The following PALLD variants were observed in gnomAD, a reference collection of about 807,000 sequenced individuals.
PALLD encodes palladin.
A neutral mutation model predicts 123.5 loss-of-function variants in PALLD; 61 were observed. The ratio of observed to expected loss-of-function variants is 0.49; its 90% CI spans 0.40 to 0.61. The LOEUF (loss-of-function observed/expected upper bound fraction) is 0.61. Ranked by LOEUF, PALLD falls within the 20% of genes least tolerant of loss-of-function variation. The probability of loss-of-function intolerance (pLI) is 0.00; values close to 1 mark genes in which losing one functional copy is unlikely to be tolerated. For missense variants in PALLD, 1,273 were observed against 1,377.0 expected (o/e 0.92, Z 1.20); for synonymous variants, 465 against 496.4 (o/e 0.94, Z 0.84).
intron 8 of PALLD, among the ~76,000 whole-genome samples, chr4:168,702,998 G>A (rs985581646): frequency 7.0e-5 from 10 of 142,498 alleles, no homozygotes; most frequent in African/African-American, 1.6e-4. Flanking sequence ...ATGCTGGTGC[G>A]CTGCACCCAC....
rs1339982343 is a variant in PALLD, at chr4:168,512,021, G to A, written c.517G>A (p.Ala173Thr). 1 of 1,614,196 alleles carries A rather than the reference G, an allele frequency of 6.2e-7. No individual in the cohort carries two copies. Among genetic ancestry groups the A allele is most frequent in the Non-Finnish European group, 8.5e-7 (1 of 1,180,032 alleles). ...GPQSQLCDKA[A>T]NLIEELTSIF... ...CCAGAGCCAGCTGTGTGACAAGGCAGCTAATTTAATTGAGGAGCTAACATC... is the reference window on the plus strand; with the variant it reads ...CCAGAGCCAGCTGTGTGACAAGGCAACTAATTTAATTGAGGAGCTAACATC... The change falls in exon 2 of 22, where the codon GCT (alanine) becomes ACT (threonine). Residue 173 changes from alanine (A) to threonine (T), a missense_variant. Coordinates refer to ENST00000505667, the MANE Select transcript of PALLD (RefSeq NM_001166108.2).
intron 2 of PALLD, among the ~76,000 whole-genome samples, chr4:168,662,775 T>C (rs184583739): frequency 2.2e-4 from 33 of 152,372 alleles, no homozygotes; most frequent in Non-Finnish European, 4.3e-4. Context: ...GGTGGAATTA[T>C]GACCTTTGAG....
chr4:168,501,712 C>T (rs1034745486), intron 1 of PALLD, among the ~76,000 whole-genome samples: 1 of 152,124 alleles, frequency 6.6e-6, no homozygotes, highest in African/African-American at 2.4e-5. Flanking sequence ...TGGCAGCTGC[C>T]CCCATGGTAC....
rs1352900768 is a variant in PALLD at position 168,709,507 on chromosome 4, CAAGGAAGGAAGGAAGGAAGG to C, written c.1621+425_1621+444del. On this transcript the variant is annotated intron_variant, in intron 9 of 21. Transcript: ENST00000505667. Reference sequence around the variant, plus strand: ...CCTGGGTGACAGAGTCAGACTCCATCAAGGAAGGAAGGAAGGAAGGAAGGAAGGAAGGAAGGAAGGAAGGA... The same window carrying C: ...CCTGGGTGACAGAGTCAGACTCCATCAAGGAAGGAAGGAAGGAAGGAAGGA... Among the ~76,000 whole-genome samples the C allele has an allele frequency of 6.4e-4, 59 of 91,514 alleles. 4 individuals are homozygous for C. Among genetic ancestry groups the C allele is most frequent in the East Asian group, 1.2e-3 (4 of 3,232 alleles). The allele number at this position is 91,514 out of a possible 152,430, so 60.0% of individuals were successfully genotyped here.
chr4:168,830,299 A>T (rs998196955), intron 10 of PALLD, among the ~76,000 whole-genome samples: 1 of 149,704 alleles, frequency 6.7e-6, no homozygotes, highest in Admixed American at 6.7e-5. Context: ...CCGAGGTGGG[A>T]GGATCACTTG....
chr4:168,502,539 A>T (rs947871675), intron 1 of PALLD, among the ~76,000 whole-genome samples: 4 of 152,166 alleles, frequency 2.6e-5, no homozygotes, highest in Admixed American at 6.5e-5. Flanking sequence ...TCAAGTTTTT[A>T]CCAGAAAACA....
At chr4:168,746,380 C>CAAAAAA (rs747755592) in intron 10 of PALLD, among the ~76,000 whole-genome samples, 1,773 of 36,976 alleles carry the variant, frequency 0.048, 333 homozygotes, top group East Asian at 0.096. Context: ...GAACCCGTCT[C>CAAAAAA]AAAAAAAAAA....
intron 18 of PALLD, 67 bp downstream of exon 18, chr4:168,921,808 TC>T: frequency 8.3e-7 from 1 of 1,207,426 alleles, no homozygotes; most frequent in Non-Finnish European, 1.2e-6. Context: ...GTAAACTAAT[TC>T]TACATTACTA....
chr4:168,506,528 A>G (rs953999378), intron 1 of PALLD, among the ~76,000 whole-genome samples: 5 of 152,034 alleles, frequency 3.3e-5, no homozygotes, highest in Admixed American at 2.0e-4. Flanking sequence ...TTCTTCTTAC[A>G]TCTTTTGAGA....
Position 168,831,912 on chromosome 4 carries a change from G to A in PALLD, c.1965-59010G>A, listed in dbSNP as rs979381562. On this transcript the variant is annotated intron_variant, in intron 10 of 21. Transcript: ENST00000505667. ...GATGCAAAGGGCGGGACAAGGTTAC[G>A]AGTGGGTGCGGGGAAGCCTCCCTAA... 13 of 710,536 alleles carry A rather than the reference G, an allele frequency of 1.8e-5. No individual in the cohort carries two copies. In the African/African-American group the frequency reaches 2.5e-4, roughly 14 times the overall value. The allele number at this position is 710,536 out of a possible 1,614,324, so 44.0% of individuals were successfully genotyped here. A position where few individuals can be genotyped will look rare whatever the true frequency, so the allele number is the denominator to read the frequency against.
intron 2 of PALLD, among the ~76,000 whole-genome samples, chr4:168,551,569 T>C (rs1766727374): frequency 6.6e-6 from 1 of 152,112 alleles, no homozygotes; most frequent in African/African-American, 2.4e-5. Flanking sequence ...GAGATATCAA[T>C]GTGGATAAAA....
At chr4:168,627,736 A>G (rs2149816310) in intron 2 of PALLD, among the ~76,000 whole-genome samples, 1 of 152,368 alleles carries the variant, frequency 6.6e-6, no homozygotes, top group East Asian at 1.9e-4. Context: ...ACGCAAAGGG[A>G]TAATCTCCTT....
intron 10 of PALLD, among the ~76,000 whole-genome samples, chr4:168,840,848 T>G (rs545786295): frequency 5.5e-4 from 84 of 152,014 alleles, no homozygotes; most frequent in Non-Finnish European, 9.1e-4. Flanking sequence ...CTATACAGAT[T>G]TATTTATTTA....
At chr4:168,498,458 A>G (rs543383588) in intron 1 of PALLD, among the ~76,000 whole-genome samples, 1 of 152,298 alleles carries the variant, frequency 6.6e-6, no homozygotes, top group East Asian at 1.9e-4. Flanking sequence ...ATTTTTTAAA[A>G]ATGTAGAGGG....
intron 10 of PALLD, among the ~76,000 whole-genome samples, chr4:168,749,863 CCCCT>C (rs1050314354): frequency 3.3e-5 from 5 of 150,176 alleles, no homozygotes; most frequent in African/African-American, 1.2e-4. Context: ...AGTTTTTCAG[CCCCT>C]CCCTCCCTCC....
chr4:168,761,720 G>A (rs1431510141), intron 10 of PALLD, among the ~76,000 whole-genome samples: 16 of 131,884 alleles, frequency 1.2e-4, no homozygotes, highest in South Asian at 7.6e-4. Flanking sequence ...CCATGTTTCC[G>A]CGGCTGATCT....
rs868391922 is a variant in PALLD at position 168,592,060 on chromosome 4, A to C, written c.909-76130A>C. 9.8e-5 allele frequency among the ~76,000 whole-genome samples: 14 copies of C among 143,238 alleles called. No individual in the cohort carries two copies. The South Asian group carries it at 3.1e-3, about 31-fold the overall frequency. The allele number at this position is 143,238 out of a possible 152,430, so 94.0% of individuals were successfully genotyped here. A position where few individuals can be genotyped will look rare whatever the true frequency, so the allele number is the denominator to read the frequency against. The stretch of plus-strand genomic sequence containing the variant: ...GAGATGGAGTCGCGCTCTGTCACCC[A>C]GGCTGCAGTGCAATGGCACGATCTC... On this transcript the variant is annotated intron_variant, in intron 2 of 21. Coordinates refer to ENST00000505667, the MANE Select transcript of PALLD (RefSeq NM_001166108.2).
In PALLD at chr4:168,511,971, C is replaced by T. The variant is rs114877850; in HGVS notation, c.467C>T (p.Thr156Met). ...CCCAGCACAAACGTAAAGCCCAAAA[C>T]GCCACATCAAAGAAAGGGTGGCCCC... ...KTPSTNVKPK[T>M]PHQRKGGPQS... The change falls in exon 2 of 22, where the codon ACG becomes ATG. Residue 156 changes from threonine to methionine, a missense_variant. Thr to Met is a moderately conservative substitution (Grantham distance 81, BLOSUM62 -1). Transcript: ENST00000505667. 4.2e-4 allele frequency: 686 copies of T among 1,614,198 alleles called. No homozygotes were observed. Among genetic ancestry groups the T allele is most frequent in the Admixed American group, 1.2e-3 (73 of 60,020 alleles).
chr4:168,768,766 G>A (rs1353548206), intron 10 of PALLD, among the ~76,000 whole-genome samples: 3 of 152,112 alleles, frequency 2.0e-5, no homozygotes, highest in Non-Finnish European at 2.9e-5. Flanking sequence ...TCCGCCTCCT[G>A]GGTTCAAGCA....
Sources: gnomAD v4.1 joint callset for allele counts (sites outside exome capture counted in the v4.1 genomes callset) on GRCh38, gnomAD v4.1.1 for gene constraint, MANE v1.5 for transcripts, NCBI Gene and HGNC (gene_info 2026-07-23, HGNC 2026-07-21) for gene names.